The following SYNJ1 variants were observed in gnomAD, a reference collection of about 807,000 sequenced individuals.
SYNJ1 encodes the protein synaptojanin 1, also known as polyphosphatidylinositol phosphatase SYNJ1.
A neutral mutation model predicts 168.2 loss-of-function variants in SYNJ1; 78 were observed. The observed-to-expected ratio is 0.46, with a 90% confidence interval of 0.39 to 0.56. The LOEUF (loss-of-function observed/expected upper bound fraction) is 0.56, where lower values mean the gene tolerates loss of function less well. Ranked by LOEUF, SYNJ1 falls within the 20% of genes least tolerant of loss-of-function variation. The pLI, the probability that SYNJ1 is intolerant of heterozygous loss-of-function variation, is 0.00. For synonymous variants in SYNJ1, 539 were observed against 548.6 expected (o/e 0.98, Z 0.24); for missense variants, 1,303 against 1,597.6 (o/e 0.82, Z 3.14).
intron 30 of SYNJ1, among the ~76,000 whole-genome samples, 163 bp from the exon 31 acceptor site, chr21:32,639,288 T>C (rs2039721373): frequency 1.3e-5 from 2 of 152,184 alleles, no homozygotes; most frequent in African/African-American, 2.4e-5. Context: ...TCTGAATATA[T>C]GTTGTAGAAG....
intron 26 of SYNJ1, 86 bp from the exon 27 acceptor site, chr21:32,643,543 T>C (rs1466199722): frequency 1.3e-5 from 18 of 1,389,472 alleles, no homozygotes; most frequent in Non-Finnish European, 1.7e-5. Context: ...ATTTCCATAG[T>C]AAACTCACTT....
chr21:32,716,549 ATG>A (rs1239579728), intron 2 of SYNJ1, among the ~76,000 whole-genome samples: 1 of 152,190 alleles, frequency 6.6e-6, no homozygotes, highest in East Asian at 1.9e-4. Context: ...TCTTCTGTAA[ATG>A]TGTGTCTTTT....
intron 2 of SYNJ1, among the ~76,000 whole-genome samples, chr21:32,707,537 T>C (rs2042658841): frequency 6.6e-6 from 1 of 152,120 alleles, no homozygotes; most frequent in Non-Finnish European, 1.5e-5. Context: ...TCTTTCTATG[T>C]TGCCCAGGCT....
At chr21:32,632,388 CTT>C (rs535534076) in intron 32 of SYNJ1, among the ~76,000 whole-genome samples, 19 of 143,012 alleles carry the variant, frequency 1.3e-4, no homozygotes, top group Admixed American at 2.1e-4. Context: ...CCCACCCCCT[CTT>C]TTTTTTTTTT....
Position 32,711,059 on chromosome 21 carries a change from C to G in SYNJ1, c.125-9012G>C, listed in dbSNP as rs960995024. On this transcript the variant is annotated intron_variant, in intron 2 of 32. Transcript: ENST00000674351. ...ATCCTACAACTTAATTCAGATAACT[C>G]AACTCCTTCCTTATTTTAGTTTTGT... Among the ~76,000 whole-genome samples the G allele has an allele frequency of 5.3e-5, 8 of 152,272 alleles. No individual in the cohort carries two copies. In the South Asian group the frequency reaches 1.7e-3, roughly 32 times the overall value.
chr21:32,687,117 G>A (rs1390606083), intron 7 of SYNJ1, 43 bp from the exon 8 acceptor site: 15 of 1,061,396 alleles, frequency 1.4e-5, no homozygotes, highest in Non-Finnish European at 2.0e-5. Flanking sequence ...CAAATAAGAA[G>A]CCCAATTTTT....
rs1275024598 is a variant in SYNJ1 at position 32,676,374 on chromosome 21, G to C, written c.1511-19C>G. ...TCAGAAACTATGGATGCAACAAGAA[G>C]AAAACAAAGAATCATTAGTAAAAAC... On this transcript the variant is annotated intron_variant, in intron 12 of 32. Coordinates refer to ENST00000674351, the MANE Select transcript of SYNJ1 (RefSeq NM_203446.3). 1 of 1,603,956 alleles carries C rather than the reference G, an allele frequency of 6.2e-7. No individual in the cohort carries two copies. Among genetic ancestry groups the C allele is most frequent in the Non-Finnish European group, 8.5e-7 (1 of 1,174,754 alleles).
At position 32,645,678 on chromosome 21, in the gene SYNJ1, G is replaced by A. The variant is rs773242399; in HGVS notation, c.3359C>T (p.Pro1120Leu). Residue 1120 changes from proline (P) to leucine (L), a missense_variant, in exon 25 of 33, where the codon CCG (proline) becomes CTG (leucine). Around this residue, in one of 2 missense-constraint regions of SYNJ1, gnomAD observed 383 missense variants for 388.8 expected, o/e 0.99. Coordinates refer to ENST00000674351, the MANE Select transcript of SYNJ1 (RefSeq NM_203446.3). ...PPRPVAPPTRPAPPQRPPPPS... is the reference protein window; with the variant it reads ...PPRPVAPPTRLAPPQRPPPPS... ...CGGAGGAGGTCTCTGTGGGGGAGCC[G>A]GGCGTGTGGGAGGGGCGACCGGGCG... The A allele has an allele frequency of 2.6e-6, 4 of 1,514,966 alleles. No homozygotes were observed. Among genetic ancestry groups the A allele is most frequent in the Non-Finnish European group, 3.5e-6 (4 of 1,136,890 alleles). 93.8% of individuals were successfully genotyped at this position (1,514,966 alleles called of 1,614,324 possible).
Position 32,685,106 on chromosome 21 carries a change from C to T in SYNJ1, c.1118+642G>A, listed in dbSNP as rs550933459. Reference sequence around the variant, plus strand: ...CTGAGGCAGGAGACTGGCATGAGCCCGGGAGGCGGAGCTTGCAGTGAGCCA... The same window carrying T: ...CTGAGGCAGGAGACTGGCATGAGCCTGGGAGGCGGAGCTTGCAGTGAGCCA... On this transcript the variant is annotated intron_variant, in intron 9 of 32. Coordinates refer to ENST00000674351, the MANE Select transcript of SYNJ1 (RefSeq NM_203446.3). 6.8e-5 allele frequency among the ~76,000 whole-genome samples: 10 copies of T among 147,208 alleles called. No individual in the cohort carries two copies. In the South Asian group the frequency reaches 8.7e-4, roughly 13 times the overall value.
Position 32,631,524 on chromosome 21 carries a change from G to C in SYNJ1, c.*281C>G. On this transcript the variant is annotated 3_prime_UTR_variant, in exon 33 of 33. Transcript: ENST00000674351. ...GAAAGGATTTGTCCTGGTCAAGCCAGTAATAAATGGGTTTGGAGAACTTCG... is the reference window on the plus strand; with the variant it reads ...GAAAGGATTTGTCCTGGTCAAGCCACTAATAAATGGGTTTGGAGAACTTCG... The C allele has an allele frequency of 6.2e-7, 1 of 1,614,120 alleles. No homozygotes were observed. Among genetic ancestry groups the C allele is most frequent in the Non-Finnish European group, 8.5e-7 (1 of 1,179,996 alleles).
At chr21:32,661,794 A>G (rs2145889967) in intron 18 of SYNJ1, among the ~76,000 whole-genome samples, 1 of 152,336 alleles carries the variant, frequency 6.6e-6, no homozygotes, top group East Asian at 1.9e-4. Flanking sequence ...ATACTGTATC[A>G]TAGGCCTCCT....
intron 6 of SYNJ1, among the ~76,000 whole-genome samples, chr21:32,691,019 C>T (rs990510356): frequency 5.3e-5 from 8 of 152,184 alleles, no homozygotes; most frequent in South Asian, 2.1e-4. Flanking sequence ...TTTACCTTCA[C>T]ATATTTCTGA....
At chr21:32,713,931 A>G (rs2042930877) in intron 2 of SYNJ1, among the ~76,000 whole-genome samples, 1 of 152,236 alleles carries the variant, frequency 6.6e-6, no homozygotes, top group South Asian at 2.1e-4. Flanking sequence ...CATAATAAAG[A>G]TAACTGGGAA....
At chr21:32,690,294 A>G (rs1037340949) in intron 6 of SYNJ1, among the ~76,000 whole-genome samples, 1 of 152,110 alleles carries the variant, frequency 6.6e-6, no homozygotes, top group Non-Finnish European at 1.5e-5. Flanking sequence ...TGCAGCCTCG[A>G]CCTCCTGGGC....
chr21:32,682,663 G>T (rs567784368), intron 10 of SYNJ1, among the ~76,000 whole-genome samples: 1 of 152,204 alleles, frequency 6.6e-6, no homozygotes, highest in Admixed American at 6.5e-5. Flanking sequence ...CTATCTTGGT[G>T]TCAAACTTTG....
chr21:32,696,037 G>A (rs1332721154), intron 4 of SYNJ1, among the ~76,000 whole-genome samples: 3 of 151,948 alleles, frequency 2.0e-5, no homozygotes, highest in Admixed American at 6.6e-5. Context: ...TGGTAGAGAC[G>A]GGGTTTCCCC....
chr21:32,634,819 G>A, intron 32 of SYNJ1, 42 bp downstream of exon 32: 1 of 1,606,268 alleles, frequency 6.2e-7, no homozygotes, highest in African/African-American at 1.3e-5. Context: ...AATGTGTTGA[G>A]ACGGATGAAA....
At chr21:32,680,496 A>G (rs1401995555) in intron 11 of SYNJ1, among the ~76,000 whole-genome samples, 4 of 152,264 alleles carry the variant, frequency 2.6e-5, no homozygotes, top group Non-Finnish European at 4.4e-5. Context: ...AATGAAAACT[A>G]TCTCAAGTAT....
intron 6 of SYNJ1, among the ~76,000 whole-genome samples, chr21:32,693,386 T>G (rs1569102443): frequency 6.6e-6 from 1 of 152,232 alleles, no homozygotes; most frequent in Non-Finnish European, 1.5e-5. Context: ...GCAGTAGAAG[T>G]GTTAATCCTT....
Sources: gnomAD v4.1 joint callset for allele counts (sites outside exome capture counted in the v4.1 genomes callset) on GRCh38, gnomAD v4.1.1 for gene constraint, gnomAD v4.1.1 regional missense constraint, MANE v1.5 for transcripts, NCBI Gene and HGNC (gene_info 2026-07-23, HGNC 2026-07-21) for gene names.